Variants in GRID2 observed in about 807,000 individuals in gnomAD.
The protein encoded by GRID2 is glutamate receptor ionotropic, delta-2.
A neutral mutation model predicts 114.8 loss-of-function variants in GRID2; 33 were observed. That is an observed-to-expected ratio of 0.29 (90% CI 0.22 to 0.38). The LOEUF (loss-of-function observed/expected upper bound fraction) is 0.38, where lower values mean the gene tolerates loss of function less well. Among genes scored for constraint, GRID2 ranks in the 10% least tolerant of loss-of-function variants. The pLI is 1.00. For missense variants in GRID2, 1,184 were observed against 1,257.7 expected (o/e 0.94, Z 0.89); for synonymous variants, 505 against 449.9 (o/e 1.12, Z -1.55).
At chr4:93,291,482 A>G (rs547599465) in intron 8 of GRID2, among the ~76,000 whole-genome samples, 2 of 152,314 alleles carry the variant, frequency 1.3e-5, no homozygotes, top group Non-Finnish European at 2.9e-5. Context: ...AGTAAACACT[A>G]TATATTAATC....
chr4:93,701,364 A>C (rs1275023425), intron 14 of GRID2, among the ~76,000 whole-genome samples: 5 of 152,150 alleles, frequency 3.3e-5, no homozygotes, highest in East Asian at 1.9e-4. Context: ...TCTGAGAAAA[A>C]CAAATTAGTA....
At chr4:92,428,734 A>G (rs777236555) in intron 1 of GRID2, among the ~76,000 whole-genome samples, 56 of 152,274 alleles carry the variant, frequency 3.7e-4, no homozygotes, top group Non-Finnish European at 5.9e-4. Context: ...TACATTTCCT[A>G]TCTTTTAATG....
chr4:93,338,514 T>A (rs1759317072), intron 8 of GRID2, among the ~76,000 whole-genome samples: 1 of 152,136 alleles, frequency 6.6e-6, no homozygotes, highest in Non-Finnish European at 1.5e-5. Context: ...AGTAAAGTAA[T>A]TTGGAAGTGA....
At chr4:92,611,555 C>T (rs763836492) in intron 2 of GRID2, among the ~76,000 whole-genome samples, 28 of 151,546 alleles carry the variant, frequency 1.8e-4, no homozygotes, top group Non-Finnish European at 3.2e-4. Flanking sequence ...CACAAACATT[C>T]AGTCATAGCA....
intron 4 of GRID2, among the ~76,000 whole-genome samples, chr4:93,170,902 T>C (rs1300314552): frequency 2.6e-5 from 4 of 152,112 alleles, no homozygotes; most frequent in Non-Finnish European, 5.9e-5. Flanking sequence ...TCCATTTAGC[T>C]TTACTTTTAA....
chr4:93,143,467 T>C (rs939600280), intron 4 of GRID2, among the ~76,000 whole-genome samples: 2 of 152,188 alleles, frequency 1.3e-5, no homozygotes, highest in Non-Finnish European at 2.9e-5. Flanking sequence ...AAACTATACA[T>C]ATTCAATAAA....
chr4:92,542,184 G>A (rs917788687), intron 1 of GRID2, among the ~76,000 whole-genome samples: 1 of 152,008 alleles, frequency 6.6e-6, no homozygotes, highest in African/African-American at 2.4e-5. Flanking sequence ...GCAGTTCTGA[G>A]TATACTATTT....
chr4:92,746,092 GTAACCTACA>G lies in GRID2; in HGVS notation c.244+155807_244+155815del, dbSNP rs533396823. Among the ~76,000 whole-genome samples, 22 of 152,188 alleles carry G rather than the reference GTAACCTACA, an allele frequency of 1.4e-4. No individual in the cohort carries two copies. In the East Asian group the frequency reaches 4.3e-3, roughly 29 times the overall value. On this transcript the variant is annotated intron_variant, in intron 2 of 15. Coordinates refer to ENST00000282020, the MANE Select transcript of GRID2 (RefSeq NM_001510.4). ...CTCCTGTAGATCTAGTGTTTAGGTAGTAACCTACAATGATTTCACTTTACTTCAAAATAT... is the reference window on the plus strand; with the variant it reads ...CTCCTGTAGATCTAGTGTTTAGGTAGATGATTTCACTTTACTTCAAAATAT...
chr4:92,820,811 A>G (rs775764119), intron 2 of GRID2, among the ~76,000 whole-genome samples: 14 of 152,120 alleles, frequency 9.2e-5, no homozygotes, highest in Non-Finnish European at 1.8e-4. Flanking sequence ...ATCAATATCT[A>G]TTAAAATTAT....
At chr4:92,491,183 G>A (rs1218705480) in intron 1 of GRID2, among the ~76,000 whole-genome samples, 1 of 151,990 alleles carries the variant, frequency 6.6e-6, no homozygotes, top group East Asian at 1.9e-4. Context: ...ATAATAAATG[G>A]CTGGATAAGA....
chr4:92,886,700 A>G, intron 2 of GRID2, among the ~76,000 whole-genome samples: 1 of 152,308 alleles, frequency 6.6e-6, no homozygotes, highest in South Asian at 2.1e-4. Context: ...ATTTAGGCTC[A>G]CTGCAAGCTC....
intron 13 of GRID2, among the ~76,000 whole-genome samples, chr4:93,557,190 G>A (rs1490790373): frequency 6.6e-6 from 1 of 152,106 alleles, no homozygotes; most frequent in Non-Finnish European, 1.5e-5. Context: ...CAACTAACAG[G>A]CAAAGTAACC....
At chr4:93,729,054 G>C (rs1040244812) in intron 14 of GRID2, among the ~76,000 whole-genome samples, 2 of 152,100 alleles carry the variant, frequency 1.3e-5, no homozygotes, top group Admixed American at 1.3e-4. Flanking sequence ...TATTTTGCTC[G>C]TTAGTTGATG....
rs149339976 is a variant in GRID2 at position 93,380,292 on chromosome 4, C to G, written c.1246-15315C>G. ...TTATGCAGCCACAGGTCAAAGAATG[C>G]TTGGAACCAAGAGAAGCTGGAAAAG... On this transcript the variant is annotated intron_variant, in intron 8 of 15. Transcript: ENST00000282020. 8.8e-3 allele frequency among the ~76,000 whole-genome samples: 1,345 copies of G among 151,984 alleles called. 14 individuals are homozygous for G. The highest frequency in any genetic ancestry group is 0.046 in the South Asian group (222 of 4,818).
chr4:92,571,473 A>G (rs1328897809), intron 1 of GRID2, among the ~76,000 whole-genome samples: 3 of 151,834 alleles, frequency 2.0e-5, no homozygotes, highest in African/African-American at 2.4e-5. Context: ...AGACAGATCA[A>G]TGAGACAGAA....
At chr4:93,607,449 G>T (rs1740370440) in intron 13 of GRID2, among the ~76,000 whole-genome samples, 1 of 152,020 alleles carries the variant, frequency 6.6e-6, no homozygotes, top group Admixed American at 6.6e-5. Context: ...TTCTATGACT[G>T]ATGAACATTA....
rs181085828 is a variant in GRID2, at chr4:93,386,314, A to G, written c.1246-9293A>G. Among the ~76,000 whole-genome samples, 126 of 152,328 alleles carry G rather than the reference A, an allele frequency of 8.3e-4. 1 individual carries two copies. The highest frequency in any genetic ancestry group is 1.3e-3 in the Non-Finnish European group (89 of 68,036). ...AATTTCCACATCTGTTAAAATTAGC[A>G]TAATTATAATCATATCAGGATAATT... On this transcript the variant is annotated intron_variant, in intron 8 of 15. Transcript: ENST00000282020.
intron 2 of GRID2, among the ~76,000 whole-genome samples, chr4:92,844,625 C>G (rs1231065292): frequency 6.7e-6 from 1 of 149,328 alleles, no homozygotes; most frequent in East Asian, 2.0e-4. Context: ...TTTCTTGTGT[C>G]ATGTCCTACA....
intron 1 of GRID2, among the ~76,000 whole-genome samples, chr4:92,390,418 AAG>A (rs769471226): frequency 2.0e-5 from 3 of 152,164 alleles, no homozygotes; most frequent in Non-Finnish European, 2.9e-5. Flanking sequence ...TATAGAATTT[AAG>A]AAGAGTGAAA....
Sources: allele counts gnomAD v4.1 joint callset (sites outside exome capture counted in the v4.1 genomes callset), GRCh38; gene constraint gnomAD v4.1.1; transcripts MANE v1.5; gene names NCBI Gene and HGNC (gene_info 2026-07-23, HGNC 2026-07-21).